MAP6: variants seen among roughly 807,000 people sequenced by gnomAD.
The protein encoded by MAP6 is microtubule-associated protein 6.
In MAP6, 26 loss-of-function variants were observed where a neutral mutation model predicts 42.4. The observed-to-expected ratio is 0.61, with a 90% CI of 0.45 to 0.85. The LOEUF (loss-of-function observed/expected upper bound fraction) is 0.85. Ranked by LOEUF, MAP6 falls within the 40% of genes least tolerant of loss-of-function variation. MAP6 has a pLI of 0.00. For missense variants in MAP6, 966 were observed against 1,099.0 expected (o/e 0.88, Z 1.71); for synonymous variants, 418 against 443.8 (o/e 0.94, Z 0.73).
chr11:75,640,263 T>G (rs1369333538), intron 1 of MAP6, among the ~76,000 whole-genome samples: 1 of 150,712 alleles, frequency 6.6e-6, no homozygotes, highest in Non-Finnish European at 1.5e-5. Flanking sequence ...TGCTTAATTC[T>G]GGCCTTGACA....
chr11:75,663,531 C>T (rs11236480), intron 1 of MAP6, among the ~76,000 whole-genome samples: 1 of 152,006 alleles, frequency 6.6e-6, no homozygotes, highest in African/African-American at 2.4e-5. Context: ...ACAGAGTGAA[C>T]AAAATACAGC....
Position 75,605,465 on chromosome 11 carries a change from A to G in MAP6, c.1316+343T>C, listed in dbSNP as rs532426374. 1.3e-5 allele frequency: 14 copies of G among 1,068,602 alleles called. No individual in the cohort carries two copies. The African/African-American group carries it at 2.3e-4, about 18-fold the overall frequency. The allele number at this position is 1,068,602 out of a possible 1,614,324, so 66.2% of individuals were successfully genotyped here. A position where few individuals can be genotyped will look rare whatever the true frequency, so the allele number is the denominator to read the frequency against. On this transcript the variant is annotated intron_variant, in intron 3 of 3. Transcript: ENST00000304771. Reference sequence around the variant, plus strand: ...TGGGGATCTGGGAGGAGGAGACCCCACAGACACTTCCAAGCACTGCCGGGA... The same window carrying G: ...TGGGGATCTGGGAGGAGGAGACCCCGCAGACACTTCCAAGCACTGCCGGGA...
Position 75,626,946 on chromosome 11 carries a change from C to T in MAP6, c.906-18624G>A, listed in dbSNP as rs149203527. 5.4e-4 allele frequency among the ~76,000 whole-genome samples: 82 copies of T among 152,314 alleles called. 1 individual carries two copies. The highest frequency in any genetic ancestry group is 2.0e-3 in the African/African-American group (82 of 41,562). Reference sequence around the variant, plus strand: ...GGGAGGTGAGGAGGCCCAGAGTGGGCCCTGTAACCACTGGCAGGAGGCGAT... The same window carrying T: ...GGGAGGTGAGGAGGCCCAGAGTGGGTCCTGTAACCACTGGCAGGAGGCGAT... On this transcript the variant is annotated intron_variant, in intron 1 of 3. Transcript: ENST00000304771.
Position 75,668,303 on chromosome 11 carries a change from C to A in MAP6, c.67G>T (p.Asp23Tyr). 1 of 1,571,958 alleles carries A rather than the reference C, an allele frequency of 6.4e-7. No individual in the cohort carries two copies. Among genetic ancestry groups the A allele is most frequent in the East Asian group, 2.5e-5 (1 of 40,436 alleles). Residue 23 changes from aspartate to tyrosine, a missense_variant, in exon 1 of 4, where the codon GAC (aspartate) becomes TAC (tyrosine). Asp to Tyr is a radical substitution (Grantham distance 160, BLOSUM62 -3). Coordinates refer to ENST00000304771, the MANE Select transcript of MAP6 (RefSeq NM_033063.2). ...GTGAAAACCAGCGGCACAGCGATGT[C>A]CGCTTTGTCCAACTGGTTCCAGAAG... is the stretch of plus-strand genomic sequence containing the variant. ...ARFWNQLDKA[D>Y]IAVPLVFTKY...
chr11:75,614,547 T>C (rs1001865347), intron 1 of MAP6, among the ~76,000 whole-genome samples: 11 of 152,188 alleles, frequency 7.2e-5, no homozygotes, highest in Admixed American at 1.3e-4. Flanking sequence ...AAGTAGCCCT[T>C]GTGGAGAGGC....
In MAP6 at chr11:75,587,703, A is replaced by G. The variant is rs142947527; in HGVS notation, c.1798T>C (p.Ser600Pro). 641 of 1,610,490 alleles carry G rather than the reference A, an allele frequency of 4.0e-4. 5 individuals carry two copies. The highest frequency in any genetic ancestry group is 7.0e-5 in the Non-Finnish European group (83 of 1,178,776). ...ASVKDQGPMV[S>P]APVKDQGPIV... ...GGACCTTGATCCTTGACAGGTGCTGAGACCATGGGACCTTGATCCTTGACA... is the reference window on the plus strand; with the variant it reads ...GGACCTTGATCCTTGACAGGTGCTGGGACCATGGGACCTTGATCCTTGACA... The change falls in exon 4 of 4, where the codon TCA (serine) becomes CCA (proline). Residue 600 changes from serine (S) to proline (P), a missense_variant. This residue lies in a region of MAP6 where 943 missense variants were observed against 1,049.9 expected (regional missense o/e 0.90). Transcript: ENST00000304771.
At chr11:75,603,690 C>T in intron 3 of MAP6, 1 of 985,328 alleles carries the variant, frequency 1.0e-6, no homozygotes, top group Non-Finnish European at 1.2e-6. Context: ...AAGTCATGTG[C>T]ACCCTCTGGT....
intron 3 of MAP6, among the ~76,000 whole-genome samples, chr11:75,599,248 G>T (rs1000889008): frequency 1.6e-4 from 24 of 152,150 alleles, no homozygotes; most frequent in Non-Finnish European, 2.8e-4. Context: ...ACAATGCCAG[G>T]TTAACAAGTA....
At chr11:75,596,831 G>C (rs566711442) in intron 3 of MAP6, among the ~76,000 whole-genome samples, 283 of 152,224 alleles carry the variant, frequency 1.9e-3, no homozygotes, top group African/African-American at 6.5e-3. Context: ...ACCTTCTTGT[G>C]ACTCATTTTC....
intron 3 of MAP6, among the ~76,000 whole-genome samples, chr11:75,601,417 T>C (rs1461233936): frequency 1.3e-5 from 2 of 152,226 alleles, no homozygotes; most frequent in African/African-American, 4.8e-5. Flanking sequence ...TTTTGTGTTT[T>C]CTGCCTCATA....
intron 1 of MAP6, among the ~76,000 whole-genome samples, chr11:75,636,502 G>A (rs1943371879): frequency 6.6e-6 from 1 of 152,120 alleles, no homozygotes. Flanking sequence ...GTGATGCTCT[G>A]GAAACTGTCC....
intron 1 of MAP6, among the ~76,000 whole-genome samples, chr11:75,622,602 C>T (rs1328481023): frequency 6.6e-6 from 1 of 152,162 alleles, no homozygotes; most frequent in Admixed American, 6.5e-5. Context: ...AAAATCCCAG[C>T]AGGACTCTTT....
intron 1 of MAP6, among the ~76,000 whole-genome samples, chr11:75,650,934 A>G (rs1262397041): frequency 6.6e-6 from 1 of 152,080 alleles, no homozygotes; most frequent in South Asian, 2.1e-4. Flanking sequence ...TCCTAGCCCT[A>G]AAGACCTTCC....
intron 3 of MAP6, chr11:75,603,187 C>G: frequency 1.0e-6 from 1 of 985,500 alleles, no homozygotes; most frequent in Non-Finnish European, 1.2e-6. Context: ...GCTCTTGGGG[C>G]TGCTTTTGCA....
intron 1 of MAP6, among the ~76,000 whole-genome samples, chr11:75,620,946 C>T (rs987731805): frequency 9.9e-5 from 15 of 151,896 alleles, no homozygotes; most frequent in African/African-American, 7.3e-5. Context: ...CTGGCTAACA[C>T]GGTGAAACCC....
intron 1 of MAP6, among the ~76,000 whole-genome samples, chr11:75,654,687 T>C (rs764575158): frequency 2.6e-5 from 4 of 152,174 alleles, no homozygotes; most frequent in Non-Finnish European, 1.5e-5. Flanking sequence ...ATTATTTCAG[T>C]GATAATAATA....
At chr11:75,609,351 A>G (rs1192770372) in intron 1 of MAP6, among the ~76,000 whole-genome samples, 1 of 152,088 alleles carries the variant, frequency 6.6e-6, no homozygotes. Context: ...GCACTGTGGG[A>G]AAGGAGGAGT....
At chr11:75,622,889 A>T (rs1355943248) in intron 1 of MAP6, among the ~76,000 whole-genome samples, 1 of 152,238 alleles carries the variant, frequency 6.6e-6, no homozygotes, top group Admixed American at 6.5e-5. Context: ...AATTTTCAGG[A>T]ATTTAATGAA....
At chr11:75,645,958 T>C (rs956534624) in intron 1 of MAP6, among the ~76,000 whole-genome samples, 2 of 151,150 alleles carry the variant, frequency 1.3e-5, no homozygotes, top group South Asian at 2.1e-4. Context: ...GGGGAAAGAA[T>C]AGAGAAATAA....
Sources: gnomAD v4.1 joint callset for allele counts (sites outside exome capture counted in the v4.1 genomes callset) on GRCh38, gnomAD v4.1.1 for gene constraint, gnomAD v4.1.1 regional missense constraint, MANE v1.5 for transcripts, NCBI Gene and HGNC (gene_info 2026-07-23, HGNC 2026-07-21) for gene names.